Variants in PCDH7 observed in about 807,000 individuals in gnomAD.
PCDH7 encodes protocadherin 7.
Under a neutral mutation model 58.9 loss-of-function variants are expected in PCDH7, and 17 were observed. The ratio of observed to expected loss-of-function variants is 0.29; its 90% CI spans 0.20 to 0.43. The LOEUF (loss-of-function observed/expected upper bound fraction) is 0.43. Among genes scored for constraint, PCDH7 ranks in the 20% least tolerant of loss-of-function variants. PCDH7 has a pLI of 1.00. For synonymous variants in PCDH7, 664 were observed against 616.4 expected (o/e 1.08, Z -1.14); for missense variants, 1,274 against 1,441.0 (o/e 0.88, Z 1.88).
intron 3 of PCDH7, among the ~76,000 whole-genome samples, chr4:31,067,806 T>C (rs1187198809): frequency 6.6e-6 from 1 of 151,976 alleles, no homozygotes; most frequent in East Asian, 1.9e-4. Context: ...CATTCTAAGA[T>C]ATCATAGAAA....
intron 3 of PCDH7, among the ~76,000 whole-genome samples, chr4:30,990,053 C>T (rs1337845825): frequency 6.6e-6 from 1 of 152,062 alleles, no homozygotes; most frequent in East Asian, 1.9e-4. Context: ...GGACCATATA[C>T]AAAATTTATT....
chr4:31,015,028 G>A (rs1024736671), intron 3 of PCDH7, among the ~76,000 whole-genome samples: 1 of 152,152 alleles, frequency 6.6e-6, no homozygotes, highest in African/African-American at 2.4e-5. Context: ...ATAATTTAAT[G>A]TGATGAAGTT....
chr4:30,860,638 G>T (rs2109353850), intron 1 of PCDH7, among the ~76,000 whole-genome samples: 1 of 152,094 alleles, frequency 6.6e-6, no homozygotes. Context: ...TGCCAATCTT[G>T]CCCCAAGACG....
At chr4:31,096,707 A>C (rs941657749) in intron 3 of PCDH7, among the ~76,000 whole-genome samples, 1 of 152,134 alleles carries the variant, frequency 6.6e-6, no homozygotes, top group African/African-American at 2.4e-5. Context: ...CCAAAATACA[A>C]CGTAACTGGG....
chr4:31,007,958 A>C (rs1035465558), intron 3 of PCDH7, among the ~76,000 whole-genome samples: 1 of 152,126 alleles, frequency 6.6e-6, no homozygotes, highest in African/African-American at 2.4e-5. Flanking sequence ...CCTTCCTGTT[A>C]CAACTATTGC....
chr4:31,028,995 A>G (rs533264345), intron 3 of PCDH7, among the ~76,000 whole-genome samples: 1 of 152,328 alleles, frequency 6.6e-6, no homozygotes, highest in African/African-American at 2.4e-5. Flanking sequence ...GGCAGAAGAA[A>G]TGTAGTTTTG....
chr4:30,801,320 C>T (rs983701682), intron 1 of PCDH7, among the ~76,000 whole-genome samples: 47 of 152,044 alleles, frequency 3.1e-4, no homozygotes, highest in African/African-American at 1.1e-3. Flanking sequence ...ATAGGTGACT[C>T]CATGCAAGTA....
intron 3 of PCDH7, among the ~76,000 whole-genome samples, chr4:30,962,678 A>C (rs1298963977): frequency 1.4e-5 from 2 of 146,090 alleles, no homozygotes; most frequent in African/African-American, 5.0e-5. Context: ...GCTATTCTGG[A>C]GGCTGAGGCA....
At position 31,141,564 on chromosome 4, in the gene PCDH7, A is replaced by G. The variant is rs533571358; in HGVS notation, c.*8-909A>G. Among the ~76,000 whole-genome samples, 9 of 152,338 alleles carry G rather than the reference A, an allele frequency of 5.9e-5. No homozygotes were observed. In the South Asian group the frequency reaches 1.2e-3, roughly 21 times the overall value. On this transcript the variant is annotated intron_variant, in intron 3 of 3. Coordinates refer to the PCDH7 transcript ENST00000509759. ...CTCCAAAGACAGACACATGCTTTCA[A>G]TTATACATACAGGTAATTATTAACT... is the stretch of plus-strand genomic sequence containing the variant.
chr4:31,144,804 T>C (rs927214415), downstream of PCDH7: 1 of 152,134 alleles, frequency 6.6e-6, no homozygotes, highest in Non-Finnish European at 1.5e-5. Flanking sequence ...AGATATGTAA[T>C]TGAAACAAAA....
intron 1 of PCDH7, among the ~76,000 whole-genome samples, chr4:30,842,469 C>T (rs1373920071): frequency 6.6e-6 from 1 of 152,126 alleles, no homozygotes; most frequent in Non-Finnish European, 1.5e-5. Flanking sequence ...TTCTACACCA[C>T]ATTTTAAGTG....
chr4:30,755,162 T>C (rs1472614772), intron 1 of PCDH7, among the ~76,000 whole-genome samples: 2 of 152,198 alleles, frequency 1.3e-5, no homozygotes, highest in Admixed American at 1.3e-4. Context: ...GAGTATCTCA[T>C]CATATGCGTG....
chr4:30,889,757 C>T (rs1446838890), intron 1 of PCDH7, among the ~76,000 whole-genome samples: 1 of 152,118 alleles, frequency 6.6e-6, no homozygotes, highest in Non-Finnish European at 1.5e-5. Flanking sequence ...TATAAGGATG[C>T]TCAACCCATC....
chr4:30,894,604 T>C (rs574629373), intron 1 of PCDH7, among the ~76,000 whole-genome samples: 126 of 143,424 alleles, frequency 8.8e-4, no homozygotes, highest in Non-Finnish European at 1.1e-3. Context: ...CACATATATA[T>C]ATATATATAT....
Position 31,112,892 on chromosome 4 carries a change from G to A in PCDH7, c.*8-29581G>A, listed in dbSNP as rs369120023. On this transcript the variant is annotated intron_variant, in intron 3 of 3. Coordinates refer to the PCDH7 transcript ENST00000509759. ...TATTTAGTAGAGAGGAGGTAATTAT[G>A]CTATTTGGGATAATAGTCAGATTTA... Among the ~76,000 whole-genome samples, 55 of 152,182 alleles carry A rather than the reference G, an allele frequency of 3.6e-4. No homozygotes were observed. The East Asian group carries it at 9.3e-3, about 26-fold the overall frequency.
At chr4:31,008,533 A>C (rs944076683) in intron 3 of PCDH7, among the ~76,000 whole-genome samples, 3 of 152,184 alleles carry the variant, frequency 2.0e-5, no homozygotes, top group African/African-American at 7.2e-5. Context: ...AAATATAAGT[A>C]ATACAAAAAT....
chr4:30,899,610 A>G (rs896952266), intron 1 of PCDH7, among the ~76,000 whole-genome samples: 2 of 152,176 alleles, frequency 1.3e-5, no homozygotes, highest in African/African-American at 4.8e-5. Context: ...GATAATCTCT[A>G]AGAGATCCTT....
intron 1 of PCDH7, among the ~76,000 whole-genome samples, chr4:30,754,397 C>G (rs1267227293): frequency 6.6e-6 from 1 of 152,076 alleles, no homozygotes; most frequent in East Asian, 1.9e-4. Context: ...TATTATTTTC[C>G]CTTCTACCGA....
intron 3 of PCDH7, among the ~76,000 whole-genome samples, chr4:31,101,760 T>C (rs972059335): frequency 7.2e-5 from 11 of 152,206 alleles, no homozygotes; most frequent in Admixed American, 2.0e-4. Flanking sequence ...TATAAATGCA[T>C]TGAGTATAGT....
Sources: gnomAD v4.1 joint callset for allele counts (sites outside exome capture counted in the v4.1 genomes callset) on GRCh38, gnomAD v4.1.1 for gene constraint, MANE v1.5 for transcripts, NCBI Gene and HGNC (gene_info 2026-07-23, HGNC 2026-07-21) for gene names.